Variants in SULF1 observed in about 807,000 individuals in gnomAD.
SULF1 encodes extracellular sulfatase Sulf-1.
A neutral mutation model predicts 110.5 loss-of-function variants in SULF1; 46 were observed. That is an observed-to-expected ratio of 0.42 (90% CI 0.33 to 0.53). The LOEUF (loss-of-function observed/expected upper bound fraction) is 0.53. SULF1 is among the 20% of genes least tolerant of loss of function. SULF1 has a pLI of 0.12. For missense variants in SULF1, 941 were observed against 1,094.2 expected, an observed-to-expected ratio of 0.86 and a Z score of 1.98; for synonymous variants, 371 against 387.1, an observed-to-expected ratio of 0.96 and a Z score of 0.49.
In SULF1 at chr8:69,595,313, C is replaced by T. The variant is rs139010824; in HGVS notation, c.735-5290C>T. Among the ~76,000 whole-genome samples the T allele has an allele frequency of 1.5e-4, 23 of 152,348 alleles. No homozygotes were observed. In the East Asian group the frequency reaches 4.2e-3, roughly 28 times the overall value. ...CACCAGACTTACTCAGTTCACATCA[C>T]AGTCACAATTCAGATTAGAGCTATG... On this transcript the variant is annotated intron_variant, in intron 8 of 22. Transcript: ENST00000402687.
intron 6 of SULF1, among the ~76,000 whole-genome samples, chr8:69,579,422 G>T (rs577870968): frequency 9.4e-4 from 143 of 151,868 alleles, no homozygotes; most frequent in African/African-American, 3.3e-3. Flanking sequence ...GTTGGTGCAT[G>T]CTTGTAATCC....
chr8:69,469,060 G>A (rs1210506753), intron 1 of SULF1, among the ~76,000 whole-genome samples: 1 of 152,226 alleles, frequency 6.6e-6, no homozygotes. Flanking sequence ...CGGCAGCCGT[G>A]TTTTTGTCCC....
At chr8:69,639,209 A>G (rs1811279539) in intron 21 of SULF1, among the ~76,000 whole-genome samples, 1 of 152,242 alleles carries the variant, frequency 6.6e-6, no homozygotes. Context: ...TACTCTGAGT[A>G]AACCAGGATA....
At chr8:69,513,250 T>G (rs1196748394) in intron 3 of SULF1, among the ~76,000 whole-genome samples, 1 of 152,224 alleles carries the variant, frequency 6.6e-6, no homozygotes, top group Admixed American at 6.5e-5. Context: ...GTGGTAAATT[T>G]TTAAGATCAC....
At chr8:69,657,164 C>T (rs1167691692) in intron 22 of SULF1, among the ~76,000 whole-genome samples, 1 of 152,146 alleles carries the variant, frequency 6.6e-6, no homozygotes, top group Non-Finnish European at 1.5e-5. Flanking sequence ...AAGTATACTT[C>T]CTCTTTACCT....
intron 12 of SULF1, among the ~76,000 whole-genome samples, 171 bp from the exon 13 acceptor site, chr8:69,604,632 A>G (rs1436922596): frequency 6.6e-6 from 1 of 152,088 alleles, no homozygotes; most frequent in Non-Finnish European, 1.5e-5. Context: ...TGTCATTTTC[A>G]TAAAGGACCC....
intron 8 of SULF1, among the ~76,000 whole-genome samples, chr8:69,599,995 G>A (rs1044238764): frequency 6.6e-6 from 1 of 152,158 alleles, no homozygotes; most frequent in Admixed American, 6.5e-5. Flanking sequence ...TAAACGAATA[G>A]CTTTATTGGT....
At chr8:69,562,385 A>C (rs765736599) in intron 3 of SULF1, among the ~76,000 whole-genome samples, 2 of 152,220 alleles carry the variant, frequency 1.3e-5, no homozygotes, top group Non-Finnish European at 2.9e-5. Flanking sequence ...GCTTACACTT[A>C]ATTAGTTATG....
At chr8:69,606,028 C>G (rs749038015) in intron 13 of SULF1, among the ~76,000 whole-genome samples, 2 of 152,204 alleles carry the variant, frequency 1.3e-5, no homozygotes, top group Non-Finnish European at 2.9e-5. Flanking sequence ...GATATCCACA[C>G]AATTCACCAA....
chr8:69,554,582 A>T (rs1435898885), intron 3 of SULF1, among the ~76,000 whole-genome samples: 1 of 152,194 alleles, frequency 6.6e-6, no homozygotes, highest in Non-Finnish European at 1.5e-5. Flanking sequence ...CTACAGGTTC[A>T]TTATTTGAAT....
chr8:69,493,661 T>C (rs1810109759), intron 1 of SULF1, among the ~76,000 whole-genome samples: 1 of 152,248 alleles, frequency 6.6e-6, no homozygotes, highest in South Asian at 2.1e-4. Flanking sequence ...CAGTGCAGGC[T>C]TGAAACTTGC....
At chr8:69,588,930 C>G in intron 7 of SULF1, 42 bp from the exon 8 acceptor site, 1 of 1,581,322 alleles carries the variant, frequency 6.3e-7, no homozygotes, top group Non-Finnish European at 8.6e-7. Flanking sequence ...TGATGAATGT[C>G]ACCTTTTGTA....
At chr8:69,540,032 T>G (rs904938536) in intron 3 of SULF1, among the ~76,000 whole-genome samples, 6 of 152,128 alleles carry the variant, frequency 3.9e-5, no homozygotes, top group African/African-American at 1.4e-4. Flanking sequence ...GAAAAGTAAT[T>G]ATAAAGGCAT....
chr8:69,567,474 A>G (rs1815971602), intron 5 of SULF1, among the ~76,000 whole-genome samples: 1 of 152,162 alleles, frequency 6.6e-6, no homozygotes, highest in Admixed American at 6.5e-5. Flanking sequence ...CCCTATACCC[A>G]TTAAACAGCA....
chr8:69,658,210 G>A (rs550083703), intron 22 of SULF1, among the ~76,000 whole-genome samples: 3 of 152,298 alleles, frequency 2.0e-5, no homozygotes, highest in South Asian at 2.1e-4. Context: ...GTTGATTTGA[G>A]TGGGGCCAGG....
At chr8:69,497,410 C>T (rs1262502747) in intron 2 of SULF1, among the ~76,000 whole-genome samples, 1 of 152,112 alleles carries the variant, frequency 6.6e-6, no homozygotes, top group African/African-American at 2.4e-5. Context: ...CCCACCTCAC[C>T]CTCCCAAAGT....
chr8:69,542,590 GA>G (rs1348493205), intron 3 of SULF1, among the ~76,000 whole-genome samples: 2 of 151,252 alleles, frequency 1.3e-5, no homozygotes, highest in Non-Finnish European at 2.9e-5. Flanking sequence ...ATCCAAATTA[GA>G]ACAAGTATGT....
intron 3 of SULF1, among the ~76,000 whole-genome samples, chr8:69,545,661 TTTTTGTTTTG>T (rs1156695624): frequency 1.3e-5 from 2 of 152,080 alleles, no homozygotes; most frequent in Non-Finnish European, 2.9e-5. Flanking sequence ...TTTTTGGGTT[TTTTTGTTTTG>T]TTTTGTTTTG....
intron 1 of SULF1, among the ~76,000 whole-genome samples, chr8:69,480,692 C>T (rs1340566305): frequency 6.6e-6 from 1 of 152,046 alleles, no homozygotes; most frequent in Non-Finnish European, 1.5e-5. Flanking sequence ...TCATAACTTC[C>T]ATTTGTTATT....
Sources: gnomAD v4.1 joint callset for allele counts (sites outside exome capture counted in the v4.1 genomes callset) on GRCh38, gnomAD v4.1.1 for gene constraint, MANE v1.5 for transcripts, NCBI Gene and HGNC (gene_info 2026-07-23, HGNC 2026-07-21) for gene names.